ZNF112: variants seen among roughly 807,000 people sequenced by gnomAD.
ZNF112 encodes zinc finger protein 112, also known as zinc finger protein 112 (Y14).
Under a neutral mutation model 77.7 loss-of-function variants are expected in ZNF112, and 37 were observed. The ratio of observed to expected loss-of-function variants is 0.48; its 90% CI spans 0.37 to 0.63. ZNF112 has a LOEUF of 0.63. Ranked by LOEUF, ZNF112 falls within the 20% of genes least tolerant of loss-of-function variation. The probability of loss-of-function intolerance (pLI) is 0.00; values close to 1 mark genes in which losing one functional copy is unlikely to be tolerated. For missense variants in ZNF112, 950 were observed against 1,077.4 expected (o/e 0.88, Z 1.66); for synonymous variants, 333 against 363.6 (o/e 0.92, Z 0.96).
chr19:44,360,374 T>G (rs1230583503), upstream of ZNF112, among the ~76,000 whole-genome samples: 3 of 126,402 alleles, frequency 2.4e-5, no homozygotes, highest in African/African-American at 8.6e-5. Flanking sequence ...AAGGGCAACC[T>G]AGGTATCAGA....
rs549662674 is a variant in ZNF112, at chr19:44,329,139, G to A, written c.1018C>T (p.Leu340Phe). The change falls in exon 4 of 4, where the codon CTT becomes TTT. Residue 340 changes from leucine to phenylalanine, a missense_variant. By Grantham distance (22) the Leu-to-Phe change is conservative. Around this residue, in one of 3 missense-constraint regions of ZNF112, gnomAD observed 560 missense variants for 557.3 expected, o/e 1.00. Coordinates refer to ENST00000354340, the MANE Select transcript of ZNF112 (RefSeq NM_013380.4). ...GTGTGGATAAGTTCATAAGTGTTAA[G>A]AGGGGAACAGTGATTGAAGTTCTCA... is the stretch of plus-strand genomic sequence containing the variant. ...YGENFNHCSP[L>F]NTYELIHTGE... The A allele has an allele frequency of 1.9e-6, 3 of 1,613,888 alleles. No homozygotes were observed. The highest frequency in any genetic ancestry group is 2.2e-5 in the East Asian group (1 of 44,868).
At chr19:44,353,035 GA>G (rs1401860797) in intron 1 of ZNF112, among the ~76,000 whole-genome samples, 1 of 151,758 alleles carries the variant, frequency 6.6e-6, no homozygotes, top group Non-Finnish European at 1.5e-5. Flanking sequence ...AGCAATTTTG[GA>G]AAAAAAGAAT....
intron 3 of ZNF112, among the ~76,000 whole-genome samples, chr19:44,333,672 T>C (rs947050369): frequency 6.6e-6 from 1 of 152,196 alleles, no homozygotes; most frequent in African/African-American, 2.4e-5. Flanking sequence ...ATGTAAAACA[T>C]GCCTCCTTCC....
chr19:44,362,301 A>G (rs1429812214), intron 1 of ZNF112, among the ~76,000 whole-genome samples: 2 of 152,122 alleles, frequency 1.3e-5, no homozygotes, highest in Non-Finnish European at 2.9e-5. Context: ...AAGGAGGAAG[A>G]GACTCGTAGA....
At chr19:44,334,629 A>G (rs1301090640) in intron 3 of ZNF112, among the ~76,000 whole-genome samples, 1 of 152,266 alleles carries the variant, frequency 6.6e-6, no homozygotes, top group Non-Finnish European at 1.5e-5. Flanking sequence ...CTACAGCTGA[A>G]GGACACGGCA....
intron 1 of ZNF112, among the ~76,000 whole-genome samples, chr19:44,366,867 C>T (rs6509156): frequency 0.57 from 87,382 of 151,982 alleles, 25,710 homozygotes; most frequent in East Asian, 0.72. Context: ...ATTTAATTCT[C>T]CACTCAACTG....
chr19:44,340,300 C>A, intron 2 of ZNF112, 116 bp downstream of exon 2: 1 of 1,410,998 alleles, frequency 7.1e-7, no homozygotes, highest in South Asian at 1.4e-5. Flanking sequence ...ATTATTAGGA[C>A]TCTCGGGCAC....
Position 44,327,779 on chromosome 19 carries a change from T to A in ZNF112, c.2378A>T (p.His793Leu). ...ACATTTATAGGGTCTCCCTTCCACATGAACCCTTTGGTGTGCTTGAAGGCG... is the reference window on the plus strand; with the variant it reads ...ACATTTATAGGGTCTCCCTTCCACAAGAACCCTTTGGTGTGCTTGAAGGCG... ...SSRLQAHQRV[H>L]VEGRPYKCEQ... Residue 793 changes from histidine to leucine, a missense_variant, in exon 4 of 4, where the codon CAT (histidine) becomes CTT (leucine). Physicochemically the swap from His to Leu is moderately conservative, Grantham distance 99. This residue lies in a region of ZNF112 where 373 missense variants were observed against 482.8 expected (regional missense o/e 0.77). Transcript: ENST00000354340. The A allele has an allele frequency of 6.2e-7, 1 of 1,614,114 alleles. No individual in the cohort carries two copies. Among genetic ancestry groups the A allele is most frequent in the Non-Finnish European group, 8.5e-7 (1 of 1,179,986 alleles).
chr19:44,337,373 ATTT>A (rs1970394260), intron 2 of ZNF112, among the ~76,000 whole-genome samples: 1 of 58,192 alleles, frequency 1.7e-5, no homozygotes, highest in East Asian at 5.5e-4. Context: ...TATTATATAT[ATTT>A]TATATATAAT....
chr19:44,364,822 G>A lies in ZNF112; in HGVS notation c.17+2259C>T, dbSNP rs186986447. On this transcript the variant is annotated intron_variant, in intron 1 of 4. Transcript: ENST00000588057. The stretch of plus-strand genomic sequence containing the variant: ...TTACATAACAGACTTGAACATCCGC[G>A]GATTTTGATTTCCATAAGGGTCCCT... Among the ~76,000 whole-genome samples, 1,362 of 152,222 alleles carry A rather than the reference G, an allele frequency of 8.9e-3. 6 individuals are homozygous for A. Among genetic ancestry groups the A allele is most frequent in the Middle Eastern group, 0.031 (9 of 294 alleles).
At chr19:44,340,395 A>C in intron 2 of ZNF112, 21 bp downstream of exon 2, 1 of 1,611,612 alleles carries the variant, frequency 6.2e-7, no homozygotes, top group Non-Finnish European at 8.5e-7. Flanking sequence ...CCATTGAGTA[A>C]CTAAGGGCAC....
rs1970224241 is a variant in ZNF112, at chr19:44,329,498, T to G, written c.659A>C (p.His220Pro). 6.2e-7 allele frequency: 1 copy of G among 1,614,044 alleles called. No individual in the cohort carries two copies. Among genetic ancestry groups the G allele is most frequent in the African/African-American group, 1.3e-5 (1 of 74,932 alleles). ...LSHHNDKLEV[H>P]RKENYSCHDC... ...ATGGCAGCTGTAGTTTTCTTTTCTG[T>G]GTACTTCCAGTTTATCATTGTGATG... The change falls in exon 4 of 4, where the codon CAC becomes CCC. Residue 220 changes from histidine to proline, a missense_variant. Coordinates refer to ENST00000354340, the MANE Select transcript of ZNF112 (RefSeq NM_013380.4).
chr19:44,337,345 T>G (rs1255582903), intron 2 of ZNF112, among the ~76,000 whole-genome samples: 1 of 81,986 alleles, frequency 1.2e-5, no homozygotes, highest in African/African-American at 4.9e-5. Context: ...ACATTTTGTA[T>G]ATGTGTAAAA....
rs193024549 is a variant in ZNF112 at position 44,348,581 on chromosome 19, G to A, written c.-3-8039C>T. 2.0e-3 allele frequency among the ~76,000 whole-genome samples: 310 copies of A among 152,096 alleles called. 2 individuals are homozygous for A. The highest frequency in any genetic ancestry group is 7.2e-3 in the African/African-American group (297 of 41,496). ...TTTCTCTAACTATAACAGATTTAAA[G>A]TAGAAATGAACAAGAAAAAATATCT... On this transcript the variant is annotated intron_variant, in intron 1 of 3. Transcript: ENST00000354340.
chr19:44,346,951 T>C (rs946767094), intron 1 of ZNF112, among the ~76,000 whole-genome samples: 2 of 152,250 alleles, frequency 1.3e-5, no homozygotes, highest in Non-Finnish European at 2.9e-5. Context: ...AAGATGTTAA[T>C]AGTATTATTC....
In ZNF112 at chr19:44,328,207, CT is replaced by C. The variant is rs763309551; in HGVS notation, c.1949del (p.Gln650ArgfsTer91). The C allele has an allele frequency of 3.1e-6, 5 of 1,614,140 alleles. No homozygotes were observed. In the South Asian group the frequency reaches 5.5e-5, roughly 18 times the overall value. On this transcript the variant is annotated frameshift_variant, in exon 4 of 4. Transcript: ENST00000354340. LOFTEE classifies it high-confidence loss of function. ...AGGGTTTTTCTCCTGTGTGAACCCT[CT>C]GATGAATTTGAAGATTAAAGCTCCA... ...FSWSFNLQIH[Q>X]RVHTGEKPYK...
upstream of ZNF112, among the ~76,000 whole-genome samples, chr19:44,359,907 A>G (rs1046329366): frequency 2.6e-5 from 4 of 152,190 alleles, no homozygotes; most frequent in Non-Finnish European, 5.9e-5. Context: ...AACTAACTTT[A>G]TGAGGCCACT....
Position 44,327,285 on chromosome 19 carries a change from C to A in ZNF112, c.*148G>T. 1.6e-6 allele frequency: 1 copy of A among 621,374 alleles called. No individual in the cohort carries two copies. The highest frequency in any genetic ancestry group is 2.7e-6 in the Non-Finnish European group (1 of 368,124). 38.5% of individuals were successfully genotyped at this position (621,374 alleles called of 1,614,324 possible). A position where few individuals can be genotyped will look rare whatever the true frequency, so the allele number is the denominator to read the frequency against. On this transcript the variant is annotated 3_prime_UTR_variant, in exon 4 of 4. Coordinates refer to ENST00000354340, the MANE Select transcript of ZNF112 (RefSeq NM_013380.4). ...GTTCTAACAAAATCCCTCGTGAAAC[C>A]CCTCTCATTAAATGTCTCTGTTGTG...
chr19:44,331,492 A>G (rs1970270012), intron 3 of ZNF112, among the ~76,000 whole-genome samples: 1 of 152,220 alleles, frequency 6.6e-6, no homozygotes, highest in Non-Finnish European at 1.5e-5. Flanking sequence ...AACTGGTTAA[A>G]CAGGGTTGAA....
Sources: allele counts gnomAD v4.1 joint callset (sites outside exome capture counted in the v4.1 genomes callset), GRCh38; gene constraint gnomAD v4.1.1; regional missense constraint gnomAD v4.1.1; transcripts MANE v1.5; gene names NCBI Gene and HGNC (gene_info 2026-07-23, HGNC 2026-07-21).